Variants in CENPC observed in about 807,000 individuals in gnomAD.
CENPC encodes the protein centromere protein C, also known as CENP-C 1.
In CENPC, 63 loss-of-function variants were observed where a neutral mutation model predicts 112.1. The observed-to-expected ratio is 0.56, with a 90% CI of 0.46 to 0.69. The LOEUF is 0.69. CENPC is among the 30% of genes least tolerant of loss of function. CENPC has a pLI of 0.00. For missense variants in CENPC, 1,000 were observed against 1,103.8 expected (o/e 0.91, Z 1.33); for synonymous variants, 333 against 367.6 (o/e 0.91, Z 1.08).
At chr4:67,523,745 T>C (rs1577999879) in intron 5 of CENPC, among the ~76,000 whole-genome samples, 1 of 152,154 alleles carries the variant, frequency 6.6e-6, no homozygotes, top group Non-Finnish European at 1.5e-5. Flanking sequence ...ACAGCACACC[T>C]AGCACTCAGA....
At chr4:67,481,814 C>T (rs1724965584) in intron 17 of CENPC, among the ~76,000 whole-genome samples, 1 of 152,114 alleles carries the variant, frequency 6.6e-6, no homozygotes, top group African/African-American at 2.4e-5. Context: ...AAGATAACAT[C>T]AGAAAAACCC....
chr4:67,473,705 C>T (rs1724731173), intron 18 of CENPC, among the ~76,000 whole-genome samples: 1 of 152,014 alleles, frequency 6.6e-6, no homozygotes, highest in South Asian at 2.1e-4. Flanking sequence ...GTGTGTATCA[C>T]CGTGCCTGGT....
chr4:67,514,803 C>T, intron 7 of CENPC, 116 bp from the exon 8 acceptor site: 1 of 995,308 alleles, frequency 1.0e-6, no homozygotes, highest in Non-Finnish European at 1.4e-6. Flanking sequence ...TTATATATCT[C>T]CTCAATTTTC....
rs541328772 is a variant in CENPC, at chr4:67,514,022, A to T, written c.1444+52T>A. 9 of 1,463,580 alleles carry T rather than the reference A, an allele frequency of 6.1e-6. No homozygotes were observed. The South Asian group carries it at 1.4e-4, about 22-fold the overall frequency. The allele number at this position is 1,463,580 out of a possible 1,614,324, so 90.7% of individuals were successfully genotyped here. A position where few individuals can be genotyped will look rare whatever the true frequency, so the allele number is the denominator to read the frequency against. ...CAAAGCTAAGTTAGGATATTAAAAA[A>T]CATAAAATGGGTAGAATAATGCTCA... On this transcript the variant is annotated intron_variant, in intron 8 of 18. Coordinates refer to ENST00000273853, the MANE Select transcript of CENPC (RefSeq NM_001812.4).
chr4:67,518,162 T>G lies in CENPC; in HGVS notation c.824A>C (p.Glu275Ala). The G allele has an allele frequency of 1.3e-6, 2 of 1,526,262 alleles. No individual in the cohort carries two copies. Among genetic ancestry groups the G allele is most frequent in the Non-Finnish European group, 1.8e-6 (2 of 1,130,212 alleles). 94.5% of individuals were successfully genotyped at this position (1,526,262 alleles called of 1,614,324 possible). A position where few individuals can be genotyped will look rare whatever the true frequency, so the allele number is the denominator to read the frequency against. Residue 275 changes from glutamate to alanine, a missense_variant, in exon 7 of 19, where the codon GAA becomes GCA. Glu to Ala is a moderately radical substitution (Grantham distance 107). Coordinates refer to ENST00000273853, the MANE Select transcript of CENPC (RefSeq NM_001812.4). ...LFLETVKRKS[E>A]SSPIVRHAAT... is the part of the protein sequence containing the mutation. ...CAGTTTCTTAATAACTCACCTGGATTCACTTTTTCGTTTTACTGTTTCTAA... is the reference window on the plus strand; with the variant it reads ...CAGTTTCTTAATAACTCACCTGGATGCACTTTTTCGTTTTACTGTTTCTAA...
chr4:67,476,033 A>T (rs749145737), intron 17 of CENPC, among the ~76,000 whole-genome samples: 1 of 152,218 alleles, frequency 6.6e-6, no homozygotes, highest in Non-Finnish European at 1.5e-5. Context: ...CCTCACAGCC[A>T]TCATGATGTC....
intron 5 of CENPC, among the ~76,000 whole-genome samples, chr4:67,520,346 G>A (rs148605261): frequency 9.2e-5 from 14 of 152,282 alleles, no homozygotes; most frequent in African/African-American, 3.4e-4. Context: ...AAGCTGTAGA[G>A]TAGTGAAACC....
chr4:67,527,405 A>C (rs970467072), intron 5 of CENPC, among the ~76,000 whole-genome samples: 14 of 151,984 alleles, frequency 9.2e-5, no homozygotes, highest in African/African-American at 3.1e-4. Context: ...TATAAAAAAC[A>C]TCTATTAAAA....
intron 9 of CENPC, 102 bp from the exon 10 acceptor site, chr4:67,509,207 TACACACACACACACACACACACACAC>T (rs36207189): frequency 1.0e-4 from 49 of 486,126 alleles, no homozygotes; most frequent in South Asian, 9.8e-4. Flanking sequence ...CATATACACA[TACACACACACACACACACACACACAC>T]ACACACACAC....
chr4:67,535,233 C>A (rs1457385103), intron 4 of CENPC, among the ~76,000 whole-genome samples: 1 of 151,672 alleles, frequency 6.6e-6, no homozygotes, highest in East Asian at 1.9e-4. Context: ...GAAGGTAAAA[C>A]CATGGTATTT....
At chr4:67,489,704 A>C (rs1725187174) in intron 17 of CENPC, among the ~76,000 whole-genome samples, 1 of 152,094 alleles carries the variant, frequency 6.6e-6, no homozygotes, top group East Asian at 1.9e-4. Flanking sequence ...ATTTGTTTGC[A>C]AACCTATATT....
intron 5 of CENPC, among the ~76,000 whole-genome samples, chr4:67,520,782 C>T (rs545776622): frequency 6.3e-4 from 96 of 152,204 alleles, no homozygotes; most frequent in Middle Eastern, 3.4e-3. Context: ...GAGGCCAAAA[C>T]GGGTGGATCA....
chr4:67,493,295 T>G (rs1374689162), intron 14 of CENPC: 1 of 186,982 alleles, frequency 5.3e-6, no homozygotes, highest in Non-Finnish European at 1.1e-5. Flanking sequence ...GGGCTAGCAA[T>G]GAACTATTTA....
intron 18 of CENPC, chr4:67,474,600 A>T: frequency 3.2e-6 from 1 of 310,194 alleles, no homozygotes; most frequent in Non-Finnish European, 6.0e-6. Context: ...CGAGAGTCTG[A>T]GGCACAAGAA....
At chr4:67,511,046 C>G (rs1009651772) in intron 9 of CENPC, 7 of 455,958 alleles carry the variant, frequency 1.5e-5, no homozygotes, top group African/African-American at 1.4e-4. Flanking sequence ...AAAGTGAGTT[C>G]CCCAAAGCAG....
At position 67,492,967 on chromosome 4, in the gene CENPC, G is replaced by A. The variant is rs775143894; in HGVS notation, c.2321C>T (p.Pro774Leu). ...CTTCCTTTTAGACGATATTGTGTCT[G>A]GAGATAGTACTCCACTAATCACGAA... is the stretch of plus-strand genomic sequence containing the variant. The part of the protein sequence containing the change: ...GGFVISGVLS[P>L]DTISSKRKAK... The change falls in exon 15 of 19, where the codon CCA becomes CTA. Residue 774 changes from proline (P) to leucine (L), a missense_variant. Coordinates refer to ENST00000273853, the MANE Select transcript of CENPC (RefSeq NM_001812.4). The A allele has an allele frequency of 1.3e-6, 2 of 1,544,542 alleles. No individual in the cohort carries two copies. Among genetic ancestry groups the A allele is most frequent in the Non-Finnish European group, 1.7e-6 (2 of 1,145,538 alleles).
At chr4:67,502,149 T>G (rs1423942010) in intron 12 of CENPC, among the ~76,000 whole-genome samples, 1 of 152,040 alleles carries the variant, frequency 6.6e-6, no homozygotes, top group Non-Finnish European at 1.5e-5. Flanking sequence ...GACTCAAGAT[T>G]ATGTTCTCTA....
At chr4:67,544,242 G>T (rs765220108) in intron 1 of CENPC, 47 bp from the exon 2 acceptor site, 3 of 1,055,700 alleles carry the variant, frequency 2.8e-6, no homozygotes, top group East Asian at 4.8e-5. Flanking sequence ...AGATAGAGTC[G>T]AGTAAAATTT....
chr4:67,538,522 C>G (rs1726790631), intron 4 of CENPC, among the ~76,000 whole-genome samples: 1 of 152,190 alleles, frequency 6.6e-6, no homozygotes, highest in African/African-American at 2.4e-5. Context: ...TCACCCATTT[C>G]CAGATGTGAC....
Sources: gnomAD v4.1 joint callset for allele counts (sites outside exome capture counted in the v4.1 genomes callset) on GRCh38, gnomAD v4.1.1 for gene constraint, MANE v1.5 for transcripts, NCBI Gene and HGNC (gene_info 2026-07-23, HGNC 2026-07-21) for gene names.